METTL6: variants seen among roughly 807,000 people sequenced by gnomAD.
The protein encoded by METTL6 is tRNA N(3)-cytidine methyltransferase METTL6.
In METTL6, 22 loss-of-function variants were observed where a neutral mutation model predicts 26.4. That is an observed-to-expected ratio of 0.83 (90% CI 0.59 to 1.19). METTL6 has a LOEUF of 1.19. Ranked by LOEUF, METTL6 falls within the 50% of genes most tolerant of loss-of-function variation. The probability of loss-of-function intolerance (pLI) is 0.00; values close to 1 mark genes in which losing one functional copy is unlikely to be tolerated. For synonymous variants in METTL6, 109 were observed against 116.2 expected (o/e 0.94, Z 0.40); for missense variants, 304 against 324.8 (o/e 0.94, Z 0.49).
chr3:15,392,212 C>T (rs563168261), intron 6 of METTL6, among the ~76,000 whole-genome samples: 2 of 152,314 alleles, frequency 1.3e-5, no homozygotes, highest in South Asian at 4.1e-4. Context: ...GAGATGGTAT[C>T]TCATTGTGGT....
In METTL6 at chr3:15,387,518, A is replaced by C. The variant is rs866956191; in HGVS notation, c.*12-3331T>G. On this transcript the variant is annotated intron_variant, in intron 6 of 6. Transcript: ENST00000443029. Reference sequence around the variant, plus strand: ...CTTTGGTTCAAATGCCTCTGACAGTAGGGGCCAAGGGAAAAACTTCCCCTT... The same window carrying C: ...CTTTGGTTCAAATGCCTCTGACAGTCGGGGCCAAGGGAAAAACTTCCCCTT... 1.5e-4 allele frequency among the ~76,000 whole-genome samples: 23 copies of C among 152,212 alleles called. 1 individual carries two copies. The highest frequency in any genetic ancestry group is 2.4e-4 in the Non-Finnish European group (16 of 68,040).
intron 6 of METTL6, among the ~76,000 whole-genome samples, chr3:15,404,468 G>T (rs374244921): frequency 6.6e-6 from 1 of 151,114 alleles, no homozygotes; most frequent in South Asian, 2.1e-4. Context: ...TCAGCCTCCC[G>T]AGTACCTGGG....
At chr3:15,424,453 G>A (rs1267991491) in intron 3 of METTL6, among the ~76,000 whole-genome samples, 3 of 152,138 alleles carry the variant, frequency 2.0e-5, no homozygotes, top group African/African-American at 7.2e-5. Flanking sequence ...TTTTGGTAGA[G>A]ACAAGGTTTC....
rs35827445 is a variant in METTL6, at chr3:15,415,043, A to AAAACAAAC, written c.531+721_531+728dup. ...AAACTGTATTCAACTGTCTCTTAAA[A>AAAACAAAC]AAACAAACAAACAAACAAACAAAAA... is the stretch of plus-strand genomic sequence containing the variant. On this transcript the variant is annotated intron_variant, in intron 4 of 5. Coordinates refer to ENST00000383790, the MANE Select transcript of METTL6 (RefSeq NM_152396.4). 346 of 759,228 alleles carry AAAACAAAC rather than the reference A, an allele frequency of 4.6e-4. 1 individual carries two copies. In the East Asian group the frequency reaches 0.026, roughly 56 times the overall value. 47.0% of individuals were successfully genotyped at this position (759,228 alleles called of 1,614,324 possible). A position where few individuals can be genotyped will look rare whatever the true frequency, so the allele number is the denominator to read the frequency against.
chr3:15,391,183 T>A (rs986622648), intron 6 of METTL6, among the ~76,000 whole-genome samples: 1 of 152,244 alleles, frequency 6.6e-6, no homozygotes, highest in Admixed American at 6.5e-5. Flanking sequence ...AATGCTCAGC[T>A]GCTGTGTTGC....
chr3:15,394,663 C>G (rs1344581623), intron 6 of METTL6, among the ~76,000 whole-genome samples: 1 of 151,708 alleles, frequency 6.6e-6, no homozygotes, highest in Non-Finnish European at 1.5e-5. Context: ...GTACACACTG[C>G]TTTGAATGTG....
chr3:15,383,363 A>G (rs1417527177), exon 7 of METTL6: 1 of 151,920 alleles, frequency 6.6e-6, no homozygotes, highest in African/African-American at 2.4e-5. Context: ...TGTAAAAATA[A>G]TAACAATAAT....
intron 3 of METTL6, among the ~76,000 whole-genome samples, chr3:15,422,150 A>T (rs1352875557): frequency 6.7e-6 from 1 of 149,616 alleles, no homozygotes. Flanking sequence ...ACGTAGTGAG[A>T]CCCGTCTCTA....
intron 6 of METTL6, among the ~76,000 whole-genome samples, chr3:15,391,031 C>T (rs2124901736): frequency 6.6e-6 from 1 of 152,330 alleles, no homozygotes; most frequent in Admixed American, 6.5e-5. Context: ...TTCCCTGAAG[C>T]CGAGCAGTCT....
rs545467181 is a variant in METTL6 at position 15,384,419 on chromosome 3, C to T, written c.*12-232G>A. ...GAAATAAAGAAAAAAATAGAGAAAA[C>T]GAGACTATGCAGAGAGAAATTAAAT... On this transcript the variant is annotated intron_variant, in intron 6 of 6. Coordinates refer to the METTL6 transcript ENST00000443029. 18 of 181,150 alleles carry T rather than the reference C, an allele frequency of 9.9e-5. No homozygotes were observed. In the South Asian group the frequency reaches 1.1e-3, roughly 11 times the overall value. 11.2% of individuals were successfully genotyped at this position (181,150 alleles called of 1,614,324 possible). A position where few individuals can be genotyped will look rare whatever the true frequency, so the allele number is the denominator to read the frequency against.
chr3:15,384,130 C>A, exon 7 of METTL6: 1 of 405,898 alleles, frequency 2.5e-6, no homozygotes, highest in African/African-American at 2.2e-5. Flanking sequence ...TCATATAATA[C>A]AAAAGCACAG....
At chr3:15,415,355 C>T (rs577002236) in intron 4 of METTL6, 5 of 721,894 alleles carry the variant, frequency 6.9e-6, no homozygotes, top group South Asian at 5.4e-5. Context: ...CAAGGTCTTG[C>T]TATGTTGGCC....
At chr3:15,394,134 T>C (rs1343371267) in intron 6 of METTL6, among the ~76,000 whole-genome samples, 1 of 152,252 alleles carries the variant, frequency 6.6e-6, no homozygotes. Flanking sequence ...TCCTGGACTT[T>C]TTTTGGTTGG....
chr3:15,419,249 T>C (rs1448509476), intron 3 of METTL6, among the ~76,000 whole-genome samples: 4 of 151,352 alleles, frequency 2.6e-5, no homozygotes, highest in Non-Finnish European at 5.9e-5. Flanking sequence ...GCAACATACA[T>C]ACCAAAATAT....
chr3:15,411,443 A>G lies in METTL6; in HGVS notation c.674-6T>C. 1 of 1,612,702 alleles carries G rather than the reference A, an allele frequency of 6.2e-7. No individual in the cohort carries two copies. The highest frequency in any genetic ancestry group is 8.5e-7 in the Non-Finnish European group (1 of 1,179,430). The stretch of plus-strand genomic sequence containing the variant: ...AAAGAGCTGAGCCAGGAAGTCTGTA[A>G]GACAAGCATCAACAATGCTCAACAG... On this transcript the variant is annotated splice_region_variant and splice_polypyrimidine_tract_variant and intron_variant, in intron 5 of 5. Coordinates refer to ENST00000383790, the MANE Select transcript of METTL6 (RefSeq NM_152396.4).
At chr3:15,411,571 G>A (rs1325397457) in intron 5 of METTL6, 134 bp from the exon 6 acceptor site, 5 of 879,332 alleles carry the variant, frequency 5.7e-6, no homozygotes, top group Admixed American at 6.6e-5. Flanking sequence ...AAAATTTAAA[G>A]GTTTTGATTT....
At chr3:15,387,746 C>T (rs576079468) in intron 6 of METTL6, among the ~76,000 whole-genome samples, 5 of 151,928 alleles carry the variant, frequency 3.3e-5, no homozygotes, top group South Asian at 4.1e-4. Flanking sequence ...GTACAATAAA[C>T]GATTGCTAGG....
chr3:15,425,488 G>GT (rs1408965861), intron 2 of METTL6, among the ~76,000 whole-genome samples: 1 of 152,216 alleles, frequency 6.6e-6, no homozygotes, highest in Non-Finnish European at 1.5e-5. Context: ...AACAGCCATG[G>GT]TAAATAGTTA....
chr3:15,424,861 A>C (rs1006708125), intron 3 of METTL6, 94 bp downstream of exon 3: 2 of 1,545,120 alleles, frequency 1.3e-6, no homozygotes, highest in African/African-American at 2.8e-5. Context: ...AGCTCCAGGG[A>C]AGACTAGAAT....
Sources: gnomAD v4.1 joint callset for allele counts (sites outside exome capture counted in the v4.1 genomes callset) on GRCh38, gnomAD v4.1.1 for gene constraint, MANE v1.5 for transcripts, NCBI Gene and HGNC (gene_info 2026-07-23, HGNC 2026-07-21) for gene names.